RARB: variants seen among roughly 807,000 people sequenced by gnomAD.
RARB encodes HBV-activated protein.
Under a neutral mutation model 51.9 loss-of-function variants are expected in RARB, and 17 were observed. The ratio of observed to expected loss-of-function variants is 0.33; its 90% CI spans 0.22 to 0.49. RARB has a LOEUF of 0.49. Ranked by LOEUF, RARB falls within the 20% of genes least tolerant of loss-of-function variation. The pLI, the probability that RARB is intolerant of heterozygous loss-of-function variation, is 0.99. For missense variants in RARB, 369 were observed against 550.8 expected, an observed-to-expected ratio of 0.67 and a Z score of 3.30; for synonymous variants, 215 against 195.4, an observed-to-expected ratio of 1.10 and a Z score of -0.84.
intron 6 of RARB, among the ~76,000 whole-genome samples, chr3:25,594,155 G>A (rs1215496102): frequency 6.6e-6 from 1 of 152,148 alleles, no homozygotes; most frequent in Non-Finnish European, 1.5e-5. Context: ...ATAGGAGGCT[G>A]AATCGTAAGT....
At chr3:25,335,452 G>C (rs1033907879) in intron 5 of RARB, among the ~76,000 whole-genome samples, 34 of 152,216 alleles carry the variant, frequency 2.2e-4, no homozygotes, top group African/African-American at 7.5e-4. Context: ...AGAGACCTCT[G>C]TGGCCCGGCA....
chr3:25,344,384 T>G (rs1705324360), intron 5 of RARB, among the ~76,000 whole-genome samples: 1 of 152,186 alleles, frequency 6.6e-6, no homozygotes, highest in Admixed American at 6.5e-5. Flanking sequence ...AAGTAGTGTT[T>G]ATGTCTGAGA....
chr3:24,940,457 G>A (rs1695639856), intron 2 of RARB, among the ~76,000 whole-genome samples: 1 of 152,046 alleles, frequency 6.6e-6, no homozygotes, highest in Non-Finnish European at 1.5e-5. Context: ...AAGAGAAGGG[G>A]GGATAGGAAG....
intron 3 of RARB, among the ~76,000 whole-genome samples, chr3:25,560,646 T>C (rs1033813320): frequency 3.9e-5 from 6 of 152,348 alleles, no homozygotes; most frequent in Middle Eastern, 3.4e-3. Flanking sequence ...TCTCTAGTTA[T>C]AGAGCACCAG....
intron 5 of RARB, among the ~76,000 whole-genome samples, chr3:25,176,673 C>T (rs1472762635): frequency 2.6e-5 from 4 of 151,922 alleles, no homozygotes; most frequent in African/African-American, 7.3e-5. Context: ...GGATTATAGG[C>T]GTGAGCCACC....
intron 3 of RARB, among the ~76,000 whole-genome samples, chr3:25,116,170 G>A (rs757470354): frequency 2.0e-5 from 3 of 152,140 alleles, no homozygotes; most frequent in African/African-American, 4.8e-5. Context: ...ACAGAGCATC[G>A]CACAGAACCC....
At chr3:25,055,932 C>T (rs541448761) in intron 2 of RARB, among the ~76,000 whole-genome samples, 1 of 152,078 alleles carries the variant, frequency 6.6e-6, no homozygotes, top group African/African-American at 2.4e-5. Flanking sequence ...GTGGGCAGTG[C>T]TCTGACAGCA....
chr3:25,281,605 C>T (rs1290102023), intron 5 of RARB, among the ~76,000 whole-genome samples: 1 of 152,160 alleles, frequency 6.6e-6, no homozygotes, highest in Non-Finnish European at 1.5e-5. Context: ...ACTGGGCTAA[C>T]AATAGCAGAT....
chr3:24,834,640 C>T (rs928123723), intron 1 of RARB, among the ~76,000 whole-genome samples: 36 of 152,194 alleles, frequency 2.4e-4, no homozygotes, highest in African/African-American at 7.7e-4. Flanking sequence ...GCAGTGATGA[C>T]GTCAATGTAA....
chr3:24,979,210 G>C (rs1012891507), intron 2 of RARB, among the ~76,000 whole-genome samples: 7 of 152,204 alleles, frequency 4.6e-5, no homozygotes, highest in African/African-American at 1.7e-4. Context: ...ATGTGGTGCT[G>C]AGAAGAATGT....
intron 3 of RARB, among the ~76,000 whole-genome samples, chr3:25,552,988 T>A (rs1000072718): frequency 1.3e-5 from 2 of 152,182 alleles, no homozygotes; most frequent in Admixed American, 6.5e-5. Context: ...TTTTAAGGTA[T>A]GATTTTGTGT....
intron 2 of RARB, among the ~76,000 whole-genome samples, chr3:24,880,834 G>T (rs75467969): frequency 6.6e-6 from 1 of 152,118 alleles, no homozygotes; most frequent in Non-Finnish European, 1.5e-5. Flanking sequence ...TAAAAATGTT[G>T]TGTTACTGTG....
chr3:25,254,691 G>T (rs1218861529), intron 5 of RARB, among the ~76,000 whole-genome samples: 1 of 152,052 alleles, frequency 6.6e-6, no homozygotes, highest in Non-Finnish European at 1.5e-5. Context: ...GAGAGGGAGG[G>T]TGCTGGATGA....
intron 3 of RARB, among the ~76,000 whole-genome samples, chr3:25,064,876 T>C (rs1698629659): frequency 6.6e-6 from 1 of 152,164 alleles, no homozygotes. Context: ...AATGTCATAA[T>C]CCATGAGGTT....
chr3:25,243,721 T>G (rs1053233698), intron 5 of RARB, among the ~76,000 whole-genome samples: 1 of 152,202 alleles, frequency 6.6e-6, no homozygotes, highest in African/African-American at 2.4e-5. Flanking sequence ...CAGTATTTTA[T>G]TGAGGATTTT....
At chr3:25,586,225 G>A (rs1701381246) in intron 5 of RARB, among the ~76,000 whole-genome samples, 1 of 152,054 alleles carries the variant, frequency 6.6e-6, no homozygotes, top group Admixed American at 6.6e-5. Context: ...CATCTCAGCT[G>A]AAATGCCATC....
chr3:25,089,660 T>C (rs1315422650), intron 3 of RARB, among the ~76,000 whole-genome samples: 1 of 152,142 alleles, frequency 6.6e-6, no homozygotes, highest in Non-Finnish European at 1.5e-5. Context: ...TAAAGTTATT[T>C]GTTTTATTTT....
intron 2 of RARB, among the ~76,000 whole-genome samples, chr3:24,955,219 C>A (rs1357017663): frequency 6.6e-6 from 1 of 152,194 alleles, no homozygotes; most frequent in East Asian, 1.9e-4. Flanking sequence ...TAAAGCCCAG[C>A]TGTCTCTAGC....
intron 2 of RARB, among the ~76,000 whole-genome samples, chr3:24,880,228 A>G (rs1703131897): frequency 6.6e-6 from 1 of 151,966 alleles, no homozygotes. Context: ...ACAAATGAGC[A>G]CATATGTATG....
Sources: allele counts gnomAD v4.1 joint callset (sites outside exome capture counted in the v4.1 genomes callset), GRCh38; gene constraint gnomAD v4.1.1; transcripts MANE v1.5; gene names NCBI Gene and HGNC (gene_info 2026-07-23, HGNC 2026-07-21).